Variants in DAB1 observed in about 807,000 individuals in gnomAD.
DAB1 encodes the protein disabled homolog 1.
Under a neutral mutation model 64.6 loss-of-function variants are expected in DAB1, and 15 were observed. The observed-to-expected ratio is 0.23, with a 90% CI of 0.16 to 0.36. DAB1 has a LOEUF of 0.36. DAB1 is among the 10% of genes least tolerant of loss of function. DAB1 has a pLI of 1.00. For synonymous variants in DAB1, 235 were observed against 251.9 expected (o/e 0.93, Z 0.64); for missense variants, 596 against 706.7 (o/e 0.84, Z 1.78).
chr1:57,997,874 C>T (rs773704683), intron 5 of DAB1, among the ~76,000 whole-genome samples: 1 of 151,760 alleles, frequency 6.6e-6, no homozygotes, highest in Non-Finnish European at 1.5e-5. Context: ...AGCCACTATA[C>T]TAGATAGGAG....
intron 4 of DAB1, among the ~76,000 whole-genome samples, chr1:57,097,971 G>A (rs951135118): frequency 1.3e-5 from 2 of 152,030 alleles, no homozygotes; most frequent in African/African-American, 4.8e-5. Flanking sequence ...TAGGGACGGG[G>A]TTTCACCGTG....
intron 3 of DAB1, among the ~76,000 whole-genome samples, chr1:58,372,775 G>C (rs569167307): frequency 3.3e-5 from 5 of 152,104 alleles, no homozygotes; most frequent in African/African-American, 4.8e-5. Flanking sequence ...AAAAGTGTTT[G>C]GCAGTTTCCC....
At chr1:58,334,283 A>G (rs991983811) in intron 4 of DAB1, among the ~76,000 whole-genome samples, 1 of 152,188 alleles carries the variant, frequency 6.6e-6, no homozygotes, top group South Asian at 2.1e-4. Context: ...GTTGGGTTGC[A>G]ATATTAAATA....
intron 9 of DAB1, among the ~76,000 whole-genome samples, chr1:57,049,218 G>C (rs1220181745): frequency 6.6e-6 from 1 of 151,840 alleles, no homozygotes; most frequent in Non-Finnish European, 1.5e-5. Context: ...GGGAGGCCGA[G>C]GCAGGCAGAT....
chr1:57,721,236 C>G (rs1266361410), intron 6 of DAB1, among the ~76,000 whole-genome samples: 1 of 152,142 alleles, frequency 6.6e-6, no homozygotes, highest in Non-Finnish European at 1.5e-5. Flanking sequence ...GATCTAATTC[C>G]TGCCGCTGGA....
intron 2 of DAB1, among the ~76,000 whole-genome samples, chr1:57,229,719 G>A (rs606497): frequency 0.7 from 107,182 of 152,068 alleles, 37,891 homozygotes; most frequent in East Asian, 0.85. Context: ...CCATCTGTAG[G>A]ACTATATGGC....
At chr1:58,023,266 A>C (rs1325456) in intron 5 of DAB1, among the ~76,000 whole-genome samples, 129,581 of 152,050 alleles carry the variant, frequency 0.85, 56,212 homozygotes, top group East Asian at 1. Context: ...CTCTGGAAAT[A>C]TTTATCACCC....
chr1:57,395,125 G>A (rs552212992), intron 1 of DAB1, among the ~76,000 whole-genome samples: 16 of 152,230 alleles, frequency 1.1e-4, no homozygotes, highest in African/African-American at 3.4e-4. Context: ...CCGGGTTTCA[G>A]GCGATTCTCA....
In DAB1 at chr1:58,331,347, CT is replaced by C. The variant is rs1420411667; in HGVS notation, n.309+12004del. ...TGGTTTCTTGAGACGGAAAGTATTC[CT>C]GGTGAACATGCTATGAACCCTGTGG... On this transcript the variant is annotated intron_variant and non_coding_transcript_variant, in intron 4 of 20. Coordinates refer to the DAB1 transcript ENST00000485760. 6.6e-5 allele frequency among the ~76,000 whole-genome samples: 10 copies of C among 152,228 alleles called. No individual in the cohort carries two copies. The East Asian group carries it at 1.9e-3, about 29-fold the overall frequency.
intron 1 of DAB1, among the ~76,000 whole-genome samples, chr1:57,419,914 C>T (rs1453159454): frequency 6.6e-6 from 1 of 152,226 alleles, no homozygotes; most frequent in Admixed American, 6.5e-5. Context: ...AGAATCTCTG[C>T]TTACCACAGC....
intron 4 of DAB1, among the ~76,000 whole-genome samples, chr1:57,073,379 A>T (rs1651686259): frequency 6.6e-6 from 1 of 152,206 alleles, no homozygotes; most frequent in South Asian, 2.1e-4. Context: ...ATTGATAATT[A>T]GTAATTTGAA....
intron 3 of DAB1, among the ~76,000 whole-genome samples, chr1:58,358,866 C>T (rs1449016011): frequency 6.7e-6 from 1 of 150,180 alleles, no homozygotes; most frequent in Admixed American, 6.7e-5. Flanking sequence ...CCAGCTCTTT[C>T]TGTCTCTCTC....
intron 6 of DAB1, among the ~76,000 whole-genome samples, chr1:57,818,149 T>C (rs536819598): frequency 6.6e-6 from 1 of 152,156 alleles, no homozygotes; most frequent in African/African-American, 2.4e-5. Flanking sequence ...GATAATACTA[T>C]AGAGTGTGAG....
chr1:57,325,551 T>C (rs1676086399), intron 1 of DAB1, among the ~76,000 whole-genome samples: 1 of 152,266 alleles, frequency 6.6e-6, no homozygotes, highest in South Asian at 2.1e-4. Flanking sequence ...TGGATGTTTA[T>C]ACATCTACTT....
At chr1:57,737,870 T>C (rs1647773623) in intron 6 of DAB1, among the ~76,000 whole-genome samples, 1 of 152,196 alleles carries the variant, frequency 6.6e-6, no homozygotes. Context: ...TTTCTGTCAA[T>C]TACAAACATC....
chr1:58,378,974 C>A (rs536619584), intron 3 of DAB1, among the ~76,000 whole-genome samples: 25 of 135,982 alleles, frequency 1.8e-4, no homozygotes, highest in African/African-American at 3.5e-4. Flanking sequence ...TTCTTTGACT[C>A]GGAAAGGGAA....
intron 1 of DAB1, among the ~76,000 whole-genome samples, chr1:57,379,171 CCT>C (rs759604680): frequency 6.7e-5 from 10 of 150,352 alleles, no homozygotes; most frequent in South Asian, 4.4e-4. Context: ...TAAGAAACCC[CCT>C]CCCCCACCAT....
chr1:57,282,173 C>A (rs992788262), intron 2 of DAB1, among the ~76,000 whole-genome samples: 4 of 123,896 alleles, frequency 3.2e-5, no homozygotes, highest in African/African-American at 6.2e-5. Flanking sequence ...ACAGAGCAAG[C>A]CTTCTTCTCA....
chr1:58,426,171 AG>A (rs1390002911), intron 3 of DAB1, among the ~76,000 whole-genome samples: 1 of 152,178 alleles, frequency 6.6e-6, no homozygotes, highest in African/African-American at 2.4e-5. Context: ...GGCCTAGAAA[AG>A]TTAAGTGGCA....
Sources: gnomAD v4.1 joint callset for allele counts (sites outside exome capture counted in the v4.1 genomes callset) on GRCh38, gnomAD v4.1.1 for gene constraint, MANE v1.5 for transcripts, NCBI Gene and HGNC (gene_info 2026-07-23, HGNC 2026-07-21) for gene names.